The following REPS1 variants were observed in gnomAD, a reference collection of about 807,000 sequenced individuals.
REPS1 encodes the protein ralBP1-associated Eps domain-containing protein 1.
A neutral mutation model predicts 100.9 loss-of-function variants in REPS1; 39 were observed. The ratio of observed to expected loss-of-function variants is 0.39; its 90% CI spans 0.30 to 0.50. REPS1 has a LOEUF of 0.50. Among genes scored for constraint, REPS1 ranks in the 20% least tolerant of loss-of-function variants. The pLI, the probability that REPS1 is intolerant of heterozygous loss-of-function variation, is 0.86. For missense variants in REPS1, 821 were observed against 968.5 expected, an observed-to-expected ratio of 0.85 and a Z score of 2.02; for synonymous variants, 324 against 340.3, an observed-to-expected ratio of 0.95 and a Z score of 0.53.
chr6:138,950,367 A>G (rs887843203), intron 1 of REPS1, among the ~76,000 whole-genome samples: 1 of 152,110 alleles, frequency 6.6e-6, no homozygotes, highest in Non-Finnish European at 1.5e-5. Flanking sequence ...TATAGTCCCA[A>G]CTACTCAGGA....
At position 138,972,023 on chromosome 6, in the gene REPS1, A is replaced by C. The variant is rs1033999632; in HGVS notation, c.153+15507T>G. 2.0e-5 allele frequency among the ~76,000 whole-genome samples: 3 copies of C among 152,238 alleles called. 1 individual carries two copies. The highest frequency in any genetic ancestry group is 4.1e-4 in the South Asian group (2 of 4,826). Reference sequence around the variant, plus strand: ...TGAGTTTTATTCACAACTTGCTCACAATATTGCTGGGATATAGAGATACTG... The same window carrying C: ...TGAGTTTTATTCACAACTTGCTCACCATATTGCTGGGATATAGAGATACTG... On this transcript the variant is annotated intron_variant, in intron 1 of 19. Coordinates refer to ENST00000450536, the MANE Select transcript of REPS1 (RefSeq NM_001286611.2).
chr6:138,937,678 C>G (rs1306917221), intron 8 of REPS1, among the ~76,000 whole-genome samples: 3 of 152,230 alleles, frequency 2.0e-5, no homozygotes, highest in Non-Finnish European at 4.4e-5. Context: ...CTTTCAGCAT[C>G]TCAGAGACTG....
intron 10 of REPS1, among the ~76,000 whole-genome samples, chr6:138,923,788 AC>A (rs988922032): frequency 6.6e-6 from 1 of 152,188 alleles, no homozygotes; most frequent in Non-Finnish European, 1.5e-5. Context: ...AATGCTACAG[AC>A]CAGTTTGGAA....
chr6:138,948,811 A>G (rs1046244283), intron 1 of REPS1, among the ~76,000 whole-genome samples: 3 of 152,230 alleles, frequency 2.0e-5, no homozygotes, highest in East Asian at 1.9e-4. Context: ...TGTGGTATTA[A>G]GTCTGAATAA....
At chr6:138,925,523 G>A (rs1781052760) in intron 10 of REPS1, among the ~76,000 whole-genome samples, 1 of 152,100 alleles carries the variant, frequency 6.6e-6, no homozygotes, top group Admixed American at 6.5e-5. Flanking sequence ...AGATCATCTA[G>A]AAAGAACGAC....
chr6:138,907,883 T>C (rs1413191042), intron 18 of REPS1, among the ~76,000 whole-genome samples: 1 of 152,194 alleles, frequency 6.6e-6, no homozygotes, highest in East Asian at 1.9e-4. Context: ...ACCTTTTCTG[T>C]AAAAAACCAG....
At position 138,937,884 on chromosome 6, in the gene REPS1, G is replaced by C. The variant is rs566135383; in HGVS notation, c.1135+3451C>G. 9.2e-5 allele frequency among the ~76,000 whole-genome samples: 14 copies of C among 152,250 alleles called. No individual in the cohort carries two copies. In the South Asian group the frequency reaches 2.9e-3, roughly 32 times the overall value. On this transcript the variant is annotated intron_variant, in intron 8 of 19. Coordinates refer to ENST00000450536, the MANE Select transcript of REPS1 (RefSeq NM_001286611.2). Reference sequence around the variant, plus strand: ...CTAGAAGGCTCTAGTCTGAGAGAAAGATATGTATCAAACAACCACAGAAGT... The same window carrying C: ...CTAGAAGGCTCTAGTCTGAGAGAAACATATGTATCAAACAACCACAGAAGT...
At chr6:138,941,218 T>G (rs1432047049) in intron 8 of REPS1, 117 bp downstream of exon 8, 1 of 1,086,150 alleles carries the variant, frequency 9.2e-7, no homozygotes, top group East Asian at 2.4e-5. Context: ...CTATGTACAC[T>G]TGATGAAATA....
At chr6:138,953,497 A>AAAAAC (rs1209688238) in intron 1 of REPS1, among the ~76,000 whole-genome samples, 2 of 152,162 alleles carry the variant, frequency 1.3e-5, no homozygotes, top group African/African-American at 4.8e-5. Flanking sequence ...CTCAACAGCA[A>AAAAAC]AAAACAAAAC....
At chr6:138,983,305 AGCCGAGTGT>A (rs1785058968) in intron 1 of REPS1, among the ~76,000 whole-genome samples, 1 of 152,102 alleles carries the variant, frequency 6.6e-6, no homozygotes, top group Non-Finnish European at 1.5e-5. Flanking sequence ...TACAAAAATT[AGCCGAGTGT>A]GGTGGTGGCG....
At chr6:138,944,657 T>C in intron 4 of REPS1, 35 bp from the exon 5 acceptor site, 2 of 1,580,730 alleles carry the variant, frequency 1.3e-6, no homozygotes, top group Non-Finnish European at 1.7e-6. Flanking sequence ...CTGACTCATG[T>C]TTGAGGAAAA....
intron 7 of REPS1, 66 bp from the exon 8 acceptor site, chr6:138,941,555 A>C (rs1284588579): frequency 3.5e-6 from 5 of 1,437,296 alleles, no homozygotes; most frequent in Admixed American, 1.9e-5. Flanking sequence ...TCTCAAAAAG[A>C]AGCAAGAGAA....
At chr6:138,955,608 G>A (rs1562552557) in intron 1 of REPS1, among the ~76,000 whole-genome samples, 1 of 151,656 alleles carries the variant, frequency 6.6e-6, no homozygotes, top group Non-Finnish European at 1.5e-5. Flanking sequence ...TAACTTTACT[G>A]GCTTTACCAA....
intron 1 of REPS1, among the ~76,000 whole-genome samples, chr6:138,982,940 A>C (rs1785035082): frequency 6.6e-6 from 1 of 152,214 alleles, no homozygotes; most frequent in African/African-American, 2.4e-5. Context: ...ATCATACATT[A>C]AACTACTTAC....
intron 1 of REPS1, among the ~76,000 whole-genome samples, chr6:138,949,750 T>C (rs1782885466): frequency 6.6e-6 from 1 of 151,956 alleles, no homozygotes; most frequent in Non-Finnish European, 1.5e-5. Context: ...GGTTTTATTA[T>C]ATTATACATA....
At chr6:138,936,278 G>C (rs181606172) in intron 8 of REPS1, among the ~76,000 whole-genome samples, 1 of 151,786 alleles carries the variant, frequency 6.6e-6, no homozygotes, top group Non-Finnish European at 1.5e-5. Flanking sequence ...CTGTAACCTC[G>C]AACTCCTAGC....
chr6:138,926,282 T>G, intron 10 of REPS1, 119 bp downstream of exon 10: 1 of 657,504 alleles, frequency 1.5e-6, no homozygotes, highest in South Asian at 2.1e-5. Context: ...CCAAAAAGCC[T>G]GCCGCCACTT....
intron 1 of REPS1, among the ~76,000 whole-genome samples, chr6:138,986,103 G>T (rs1185230489): frequency 2.0e-5 from 3 of 152,104 alleles, no homozygotes; most frequent in East Asian, 1.9e-4. Context: ...CAGACCACAG[G>T]CTTTGTTTTG....
chr6:138,964,616 TGTCA>T (rs1242605321), intron 1 of REPS1, among the ~76,000 whole-genome samples: 1 of 152,010 alleles, frequency 6.6e-6, no homozygotes, highest in Non-Finnish European at 1.5e-5. Context: ...ATACAATTTT[TGTCA>T]GTTAAGGAAA....
Sources: gnomAD v4.1 joint callset for allele counts (sites outside exome capture counted in the v4.1 genomes callset) on GRCh38, gnomAD v4.1.1 for gene constraint, MANE v1.5 for transcripts, NCBI Gene and HGNC (gene_info 2026-07-23, HGNC 2026-07-21) for gene names.